The following ABCD3 variants were observed in gnomAD, a reference collection of about 807,000 sequenced individuals.
ABCD3 encodes ATP binding cassette subfamily D member 3.
In ABCD3, 41 loss-of-function variants were observed where a neutral mutation model predicts 105.5. The ratio of observed to expected loss-of-function variants is 0.39; its 90% CI spans 0.30 to 0.50. The LOEUF is 0.50. ABCD3 is among the 20% of genes least tolerant of loss of function. The pLI, the probability that ABCD3 is intolerant of heterozygous loss-of-function variation, is 0.84. For missense variants in ABCD3, 622 were observed against 806.3 expected, an observed-to-expected ratio of 0.77 and a Z score of 2.77; for synonymous variants, 258 against 269.0, an observed-to-expected ratio of 0.96 and a Z score of 0.40.
intron 10 of ABCD3, among the ~76,000 whole-genome samples, chr1:94,485,594 C>T (rs1649241712): frequency 6.6e-6 from 1 of 152,154 alleles, no homozygotes; most frequent in Non-Finnish European, 1.5e-5. Flanking sequence ...CAAATGTTAA[C>T]ACCTTATTGA....
At chr1:94,451,746 T>C (rs1647268620) in intron 1 of ABCD3, among the ~76,000 whole-genome samples, 1 of 152,210 alleles carries the variant, frequency 6.6e-6, no homozygotes, top group African/African-American at 2.4e-5. Context: ...CTTGTTTTAC[T>C]GTTATTCTTT....
intron 3 of ABCD3, among the ~76,000 whole-genome samples, chr1:94,465,104 G>A (rs1213088420): frequency 2.2e-4 from 34 of 152,034 alleles, no homozygotes. Context: ...GGAGCAAAGG[G>A]CCAAGGAGGT....
chr1:94,498,792 CT>C lies in ABCD3; in HGVS notation c.1479del (p.Phe493LeufsTer5), dbSNP rs1195122761. ...TCTCTCTCTTTAATAGTTATGGCCT[CT>C]TTTTGGAGGACGTCTAACTAAACCT... ...LFRVLGELWP[L>X]FGGRLTKPER... On this transcript the variant is annotated frameshift_variant, in exon 18 of 23. Transcript: ENST00000370214. LOFTEE classifies it high-confidence loss of function. The C allele has an allele frequency of 6.2e-7, 1 of 1,613,756 alleles. No homozygotes were observed. The highest frequency in any genetic ancestry group is 1.7e-5 in the Admixed American group (1 of 59,954).
the ABCD3 span, among the ~76,000 whole-genome samples, chr1:94,412,934 C>T: frequency 3.0e-3 from 462 of 152,054 alleles, 4 homozygotes; most frequent in African/African-American, 0.011. Context: ...AGCTTTTGGC[C>T]TTTTTCCTAC....
In ABCD3 at chr1:94,468,011, C is replaced by CT. The variant is rs779274457; in HGVS notation, c.335+9dup. 8.1e-5 allele frequency: 129 copies of CT among 1,595,932 alleles called. No homozygotes were observed. The highest frequency in any genetic ancestry group is 1.0e-4 in the Non-Finnish European group (119 of 1,163,842). On this transcript the variant is annotated splice_donor_region_variant and intron_variant, in intron 4 of 22. Coordinates refer to ENST00000370214, the MANE Select transcript of ABCD3 (RefSeq NM_002858.4). ...AAAATGGGACACTAATTGAAAGGTA[C>CT]TTTTTCAATCACCTTCCTCCTATAT...
At chr1:94,426,294 T>C (rs1039392120) in intron 1 of ABCD3, among the ~76,000 whole-genome samples, 1 of 152,176 alleles carries the variant, frequency 6.6e-6, no homozygotes, top group Non-Finnish European at 1.5e-5. Context: ...AATATGACAG[T>C]CTTTATTTCT....
chr1:94,483,346 T>C, intron 10 of ABCD3, 107 bp downstream of exon 10: 1 of 792,284 alleles, frequency 1.3e-6, no homozygotes. Flanking sequence ...CACACACGTA[T>C]GTATACATAT....
At chr1:94,411,523 T>C in the ABCD3 span, among the ~76,000 whole-genome samples, 1 of 152,216 alleles carries the variant, frequency 6.6e-6, no homozygotes, top group Admixed American at 6.5e-5. Context: ...GAACCCTTTT[T>C]CATTGCTGGT....
At chr1:94,483,279 G>T (rs766639288) in intron 10 of ABCD3, 40 bp downstream of exon 10, 1 of 1,530,614 alleles carries the variant, frequency 6.5e-7, no homozygotes, top group African/African-American at 1.4e-5. Flanking sequence ...TTATGGAAAG[G>T]GTTTTTTTTG....
intron 20 of ABCD3, 97 bp downstream of exon 20, chr1:94,499,711 C>A: frequency 6.9e-7 from 1 of 1,454,388 alleles, no homozygotes; most frequent in Non-Finnish European, 9.6e-7. Flanking sequence ...TTTTATTCAG[C>A]AGCTGTTTCA....
intron 8 of ABCD3, 161 bp downstream of exon 8, chr1:94,478,476 C>A: frequency 3.0e-6 from 4 of 1,317,882 alleles, no homozygotes; most frequent in East Asian, 2.5e-5. Flanking sequence ...ATACTTCATT[C>A]GAGATTTTAG....
chr1:94,448,507 T>C (rs900061984), intron 1 of ABCD3, among the ~76,000 whole-genome samples: 5 of 152,242 alleles, frequency 3.3e-5, no homozygotes, highest in Admixed American at 1.3e-4. Flanking sequence ...AAGGTAAAGT[T>C]TTCCAGACGC....
intron 10 of ABCD3, among the ~76,000 whole-genome samples, chr1:94,483,497 G>A (rs540519748): frequency 6.6e-6 from 1 of 152,074 alleles, no homozygotes; most frequent in East Asian, 1.9e-4. Flanking sequence ...AATATTAAGT[G>A]TACCATCTGA....
intron 4 of ABCD3, among the ~76,000 whole-genome samples, chr1:94,471,920 A>G (rs1328519575): frequency 2.0e-5 from 3 of 152,178 alleles, no homozygotes; most frequent in Non-Finnish European, 4.4e-5. Context: ...ACTTTGGAGT[A>G]TGGGCAAATC....
chr1:94,388,396 C>T, the ABCD3 span, among the ~76,000 whole-genome samples: 8 of 83,928 alleles, frequency 9.5e-5, no homozygotes, highest in Non-Finnish European at 1.7e-4. Flanking sequence ...ACCTTCCCTC[C>T]AATTTTTTTC....
In ABCD3 at chr1:94,478,584, C is replaced by T. The variant is rs1648881620; in HGVS notation, c.684+269C>T. The T allele has an allele frequency of 4.5e-6, 7 of 1,543,300 alleles. No individual in the cohort carries two copies. In the East Asian group the frequency reaches 1.6e-4, roughly 35 times the overall value. ...CAAATGTATTGGCCAGGCGTGGTGG[C>T]TCATGCCTGTAATCCCAGCACTTTG... On this transcript the variant is annotated intron_variant, in intron 8 of 22. Transcript: ENST00000370214.
At chr1:94,416,927 C>T (rs901961097), upstream of ABCD3, among the ~76,000 whole-genome samples, 14 of 152,190 alleles carry the variant, frequency 9.2e-5, no homozygotes, top group African/African-American at 3.4e-4. Context: ...TTAGATTATA[C>T]CATTTTTGTC....
intron 7 of ABCD3, among the ~76,000 whole-genome samples, chr1:94,477,533 A>C (rs1169549067): frequency 6.6e-6 from 1 of 152,006 alleles, no homozygotes. Context: ...GGCTGCAGTG[A>C]GCCAAGATCT....
At chr1:94,443,731 TG>T (rs1660222572) in intron 1 of ABCD3, among the ~76,000 whole-genome samples, 1 of 152,184 alleles carries the variant, frequency 6.6e-6, no homozygotes, top group Non-Finnish European at 1.5e-5. Context: ...GTTTATTGAA[TG>T]GGGTGTCCTT....
Sources: gnomAD v4.1 joint callset for allele counts (sites outside exome capture counted in the v4.1 genomes callset) on GRCh38, gnomAD v4.1.1 for gene constraint, MANE v1.5 for transcripts, NCBI Gene and HGNC (gene_info 2026-07-23, HGNC 2026-07-21) for gene names.